Variants in CCDC192 observed in about 807,000 individuals in gnomAD.
CCDC192 encodes the protein coiled-coil domain-containing protein 192.
At chr5:127,743,709 G>A (rs1753566842) in intron 2 of CCDC192, among the ~76,000 whole-genome samples, 1 of 152,150 alleles carries the variant, frequency 6.6e-6, no homozygotes, top group African/African-American at 2.4e-5. Flanking sequence ...AAACACAGAG[G>A]AATACTGTTT....
At chr5:127,927,915 AC>A (rs1454825320) in intron 6 of CCDC192, among the ~76,000 whole-genome samples, 3 of 150,474 alleles carry the variant, frequency 2.0e-5, no homozygotes, top group Non-Finnish European at 4.4e-5. Context: ...TTAAAATGAC[AC>A]AAACTTGTGA....
At chr5:127,800,392 A>C (rs1202228056) in intron 5 of CCDC192, among the ~76,000 whole-genome samples, 21 of 140,018 alleles carry the variant, frequency 1.5e-4, no homozygotes, top group Non-Finnish European at 2.1e-4. Flanking sequence ...AAAAAAAAAA[A>C]AAAAAAAAAC....
chr5:127,806,171 A>C (rs73783973), intron 5 of CCDC192, among the ~76,000 whole-genome samples: 2,039 of 152,306 alleles, frequency 0.013, 38 homozygotes, highest in African/African-American at 0.047. Context: ...CCAAATAGCC[A>C]ATGCACAATA....
chr5:127,714,165 C>A (rs1305966052), intron 2 of CCDC192, among the ~76,000 whole-genome samples: 1 of 152,150 alleles, frequency 6.6e-6, no homozygotes, highest in Non-Finnish European at 1.5e-5. Context: ...CTGCAAATGG[C>A]ACAATTTCAG....
chr5:127,938,355 T>C (rs1040318790), intron 6 of CCDC192, among the ~76,000 whole-genome samples: 4 of 152,190 alleles, frequency 2.6e-5, no homozygotes, highest in Admixed American at 2.6e-4. Flanking sequence ...GACTCCATCC[T>C]CTGGGGTAAC....
rs531104212 is a variant in CCDC192 at position 127,928,211 on chromosome 5, C to T, written c.536-12971C>T. 1.2e-4 allele frequency among the ~76,000 whole-genome samples: 19 copies of T among 152,278 alleles called. No homozygotes were observed. The South Asian group carries it at 3.1e-3, about 25-fold the overall frequency. ...CTGGGATTACAGGCCTGAGCGACCA[C>T]GCCTGGCTGGTGATCTTTTATAGTT... On this transcript the variant is annotated intron_variant, in intron 6 of 6. Coordinates refer to ENST00000514853, the MANE Select transcript of CCDC192 (RefSeq NM_001317938.2).
At chr5:127,718,987 A>G (rs1204748148) in intron 2 of CCDC192, among the ~76,000 whole-genome samples, 1 of 152,090 alleles carries the variant, frequency 6.6e-6, no homozygotes, top group East Asian at 1.9e-4. Context: ...ATCAAATACT[A>G]GATCTTATTC....
At chr5:127,850,732 G>A (rs990397104) in intron 5 of CCDC192, among the ~76,000 whole-genome samples, 4 of 152,242 alleles carry the variant, frequency 2.6e-5, no homozygotes, top group Non-Finnish European at 4.4e-5. Flanking sequence ...TTGGGAGGCC[G>A]AGGCAGGCAA....
chr5:127,842,742 C>T (rs553811786), intron 5 of CCDC192, among the ~76,000 whole-genome samples: 1 of 152,172 alleles, frequency 6.6e-6, no homozygotes, highest in Non-Finnish European at 1.5e-5. Context: ...CATGTTCACC[C>T]CTCTAGATTG....
At chr5:127,881,897 G>C (rs996068539) in intron 6 of CCDC192, among the ~76,000 whole-genome samples, 1 of 152,132 alleles carries the variant, frequency 6.6e-6, no homozygotes, top group Non-Finnish European at 1.5e-5. Context: ...CCACCTTTTG[G>C]TACACTTCAG....
intron 6 of CCDC192, among the ~76,000 whole-genome samples, chr5:127,927,937 C>CTTT (rs1271788889): frequency 7.9e-4 from 93 of 117,694 alleles, no homozygotes; most frequent in Non-Finnish European, 1.2e-3. Flanking sequence ...TCTTATAGTT[C>CTTT]TTTTTTTTTT....
At chr5:127,713,263 T>G (rs1751441679) in intron 2 of CCDC192, among the ~76,000 whole-genome samples, 1 of 152,020 alleles carries the variant, frequency 6.6e-6, no homozygotes. Context: ...GTCGTTCTAA[T>G]AGGCTTAGTT....
At chr5:127,811,172 A>G (rs1204943514) in intron 5 of CCDC192, among the ~76,000 whole-genome samples, 2 of 152,196 alleles carry the variant, frequency 1.3e-5, no homozygotes, top group Non-Finnish European at 2.9e-5. Context: ...AATCTGCTCT[A>G]AATTCTGAAG....
chr5:127,822,796 TA>T (rs1317780429), intron 5 of CCDC192, among the ~76,000 whole-genome samples: 1 of 152,070 alleles, frequency 6.6e-6, no homozygotes, highest in Non-Finnish European at 1.5e-5. Context: ...GGATAACGGA[TA>T]AAATGGCCCT....
intron 3 of CCDC192, among the ~76,000 whole-genome samples, chr5:127,774,494 A>G (rs1391353147): frequency 1.3e-5 from 2 of 152,162 alleles, no homozygotes; most frequent in Admixed American, 1.3e-4. Context: ...TGCCAGCACC[A>G]TTTGTTGAAG....
At chr5:127,928,932 AGTTTTT>A (rs1463093097) in intron 6 of CCDC192, among the ~76,000 whole-genome samples, 1 of 151,920 alleles carries the variant, frequency 6.6e-6, no homozygotes, top group Non-Finnish European at 1.5e-5. Context: ...ACGCCCAGCT[AGTTTTT>A]GTATTTTTAG....
intron 5 of CCDC192, among the ~76,000 whole-genome samples, chr5:127,836,463 G>A (rs1750039813): frequency 6.6e-6 from 1 of 152,204 alleles, no homozygotes; most frequent in Non-Finnish European, 1.5e-5. Flanking sequence ...CCCCAGTGGG[G>A]ACTCTGTATG....
At chr5:127,912,451 C>CTTTA (rs1427321138) in intron 6 of CCDC192, among the ~76,000 whole-genome samples, 1 of 73,184 alleles carries the variant, frequency 1.4e-5, no homozygotes, top group African/African-American at 5.5e-5. Flanking sequence ...TGAAGCTGTA[C>CTTTA]TTTACACTTC....
intron 6 of CCDC192, among the ~76,000 whole-genome samples, chr5:127,894,302 TCTG>T (rs1561542668): frequency 6.6e-6 from 1 of 151,076 alleles, no homozygotes; most frequent in Non-Finnish European, 1.5e-5. Flanking sequence ...ATGCCATTCT[TCTG>T]CCTCAGCCTC....
Sources: allele counts gnomAD v4.1 joint callset (sites outside exome capture counted in the v4.1 genomes callset), GRCh38; gene constraint gnomAD v4.1.1; transcripts MANE v1.5; gene names NCBI Gene and HGNC (gene_info 2026-07-23, HGNC 2026-07-21).